CSMD1: variants seen among roughly 807,000 people sequenced by gnomAD.
CSMD1 encodes the protein CUB and Sushi multiple domains 1, also known as CUB and sushi domain-containing protein 1.
In CSMD1, 213 loss-of-function variants were observed where a neutral mutation model predicts 417.5. That is an observed-to-expected ratio of 0.51 (90% CI 0.46 to 0.57). The LOEUF (loss-of-function observed/expected upper bound fraction) is 0.57, where lower values mean the gene tolerates loss of function less well. CSMD1 is among the 20% of genes least tolerant of loss of function. The pLI is 0.00. For synonymous variants in CSMD1, 2,862 were observed against 1,736.8 expected (o/e 1.65, Z -16.11); for missense variants, 6,923 against 4,529.7 (o/e 1.53, Z -15.17).
chr8:3,503,688 G>T (rs960764652), intron 10 of CSMD1, among the ~76,000 whole-genome samples: 1 of 152,232 alleles, frequency 6.6e-6, no homozygotes, highest in African/African-American at 2.4e-5. Context: ...GACAGCTAAA[G>T]AAGCTGGATG....
intron 23 of CSMD1, among the ~76,000 whole-genome samples, chr8:3,311,393 G>T (rs1045600405): frequency 2.0e-5 from 3 of 152,104 alleles, no homozygotes; most frequent in African/African-American, 7.2e-5. Context: ...GGGACTATAA[G>T]TGCGAGCCAT....
At chr8:4,277,363 C>A (rs1796545844) in intron 3 of CSMD1, among the ~76,000 whole-genome samples, 1 of 152,128 alleles carries the variant, frequency 6.6e-6, no homozygotes, top group Non-Finnish European at 1.5e-5. Context: ...TCTTTCGTGC[C>A]TCATCTCTGA....
At chr8:3,032,274 T>A (rs1239555424) in intron 50 of CSMD1, among the ~76,000 whole-genome samples, 2 of 151,980 alleles carry the variant, frequency 1.3e-5, no homozygotes, top group African/African-American at 4.8e-5. Context: ...AAAACTGAGT[T>A]TGAATACTCT....
chr8:4,427,773 T>G (rs1797647606), intron 2 of CSMD1, among the ~76,000 whole-genome samples: 1 of 152,170 alleles, frequency 6.6e-6, no homozygotes, highest in South Asian at 2.1e-4. Context: ...GAAACTTCAA[T>G]TACAGATTTT....
chr8:3,731,567 A>T (rs1332284207), intron 6 of CSMD1, among the ~76,000 whole-genome samples: 1 of 152,186 alleles, frequency 6.6e-6, no homozygotes, highest in African/African-American at 2.4e-5. Context: ...ACCCGTGAAG[A>T]ATCTAAAATA....
rs530838817 is a variant in CSMD1, at chr8:3,053,841, T to C, written c.7475-1194A>G. Among the ~76,000 whole-genome samples the C allele has an allele frequency of 1.1e-3, 161 of 152,208 alleles. No individual in the cohort carries two copies. In the South Asian group the frequency reaches 0.021, roughly 20 times the overall value. Reference sequence around the variant, plus strand: ...CACTCATAAAAGAAAAGTTCTATGGTAACTAAATAAAGAGCCTTCTTTTAC... The same window carrying C: ...CACTCATAAAAGAAAAGTTCTATGGCAACTAAATAAAGAGCCTTCTTTTAC... On this transcript the variant is annotated intron_variant, in intron 49 of 69. Coordinates refer to ENST00000635120, the MANE Select transcript of CSMD1 (RefSeq NM_033225.6).
intron 1 of CSMD1, among the ~76,000 whole-genome samples, chr8:4,825,554 G>A (rs1035464221): frequency 1.3e-5 from 2 of 151,354 alleles, no homozygotes; most frequent in Non-Finnish European, 2.9e-5. Context: ...TTATATGTGT[G>A]TGGCTGTCTT....
At chr8:3,323,598 T>G (rs185739024) in intron 23 of CSMD1, among the ~76,000 whole-genome samples, 4 of 152,170 alleles carry the variant, frequency 2.6e-5, no homozygotes, top group African/African-American at 7.2e-5. Context: ...TTAAAAAAAT[T>G]TTATAGCATT....
chr8:4,009,830 A>G (rs1001477532), intron 4 of CSMD1, among the ~76,000 whole-genome samples: 2 of 151,884 alleles, frequency 1.3e-5, no homozygotes, highest in Admixed American at 6.6e-5. Context: ...CAGAGAGTCA[A>G]CCCCACTTAC....
At chr8:4,226,470 A>G (rs149548423) in intron 3 of CSMD1, among the ~76,000 whole-genome samples, 57 of 152,310 alleles carry the variant, frequency 3.7e-4, no homozygotes, top group African/African-American at 1.3e-3. Flanking sequence ...AATACTTGCA[A>G]TTTAGAAATT....
At chr8:3,019,434 C>T (rs1809160022) in intron 51 of CSMD1, among the ~76,000 whole-genome samples, 1 of 152,196 alleles carries the variant, frequency 6.6e-6, no homozygotes, top group South Asian at 2.1e-4. Context: ...TTTTCTTCAC[C>T]AAAGCCCATC....
rs1261213053 is a variant in CSMD1, at chr8:3,836,893, A to AT, written c.819-82852dup. Among the ~76,000 whole-genome samples, 133 of 151,038 alleles carry AT rather than the reference A, an allele frequency of 8.8e-4. 1 individual carries two copies. In the South Asian group the frequency reaches 9.8e-3, roughly 11 times the overall value. On this transcript the variant is annotated intron_variant, in intron 5 of 69. Coordinates refer to ENST00000635120, the MANE Select transcript of CSMD1 (RefSeq NM_033225.6). ...AACTTGACTAAAGCAGTTCTTTAAC[A>AT]TTTTTTTTTCAGGACATTATTTTCC...
intron 3 of CSMD1, among the ~76,000 whole-genome samples, chr8:4,132,887 G>T (rs1036688006): frequency 1.3e-5 from 2 of 152,162 alleles, no homozygotes; most frequent in South Asian, 2.1e-4. Flanking sequence ...TTTCTAGAAA[G>T]ATTATCTTTT....
chr8:4,513,041 G>C (rs976360248), intron 2 of CSMD1, among the ~76,000 whole-genome samples: 2 of 152,140 alleles, frequency 1.3e-5, no homozygotes, highest in African/African-American at 4.8e-5. Context: ...ATTAAACAAT[G>C]AAAATTATCT....
chr8:3,191,445 G>GA (rs1796418020), intron 33 of CSMD1, among the ~76,000 whole-genome samples: 2 of 152,126 alleles, frequency 1.3e-5, no homozygotes, highest in African/African-American at 4.8e-5. Flanking sequence ...GAAAGATTGA[G>GA]AAAAAAATAA....
chr8:4,808,703 G>C (rs549578804), intron 1 of CSMD1, among the ~76,000 whole-genome samples: 1 of 152,128 alleles, frequency 6.6e-6, no homozygotes, highest in South Asian at 2.1e-4. Context: ...ATCTACTGTC[G>C]CTTGAACACG....
intron 3 of CSMD1, among the ~76,000 whole-genome samples, chr8:4,066,940 G>A (rs1214865039): frequency 6.6e-6 from 1 of 152,212 alleles, no homozygotes; most frequent in East Asian, 1.9e-4. Context: ...TATTTGTATT[G>A]TGTAAATACC....
chr8:4,985,481 C>A (rs1811131283), intron 1 of CSMD1, among the ~76,000 whole-genome samples: 1 of 152,158 alleles, frequency 6.6e-6, no homozygotes, highest in South Asian at 2.1e-4. Flanking sequence ...TTTAGGTGAG[C>A]AAAATTATGA....
intron 3 of CSMD1, among the ~76,000 whole-genome samples, chr8:4,178,415 T>C (rs1218876053): frequency 2.0e-5 from 3 of 151,156 alleles, no homozygotes; most frequent in South Asian, 2.1e-4. Context: ...AAATTAGGTA[T>C]TGATGGGACG....
Sources: allele counts gnomAD v4.1 joint callset (sites outside exome capture counted in the v4.1 genomes callset), GRCh38; gene constraint gnomAD v4.1.1; transcripts MANE v1.5; gene names NCBI Gene and HGNC (gene_info 2026-07-23, HGNC 2026-07-21).